Variants in GPR149 observed in about 807,000 individuals in gnomAD.
GPR149 encodes the protein probable G protein-coupled receptor 149.
GPR149 carries 50 observed loss-of-function variants against 50.2 expected under a neutral mutation model. That is an observed-to-expected ratio of 1.00 (90% CI 0.79 to 1.26). GPR149 has a LOEUF of 1.26. GPR149 is among the 50% of genes most tolerant of loss of function. GPR149 has a pLI of 0.00. For missense variants in GPR149, 983 were observed against 895.4 expected (o/e 1.10, Z -1.25); for synonymous variants, 405 against 358.2 (o/e 1.13, Z -1.48).
intron 3 of GPR149, among the ~76,000 whole-genome samples, chr3:154,343,821 C>A (rs571492160): frequency 2.0e-5 from 3 of 152,030 alleles, no homozygotes; most frequent in Admixed American, 6.6e-5. Context: ...TAAAAAAATT[C>A]TTTAAATTAG....
At chr3:154,401,208 T>C (rs144974842) in intron 3 of GPR149, among the ~76,000 whole-genome samples, 1 of 152,376 alleles carries the variant, frequency 6.6e-6, no homozygotes, top group East Asian at 1.9e-4. Context: ...GTGGTATTAA[T>C]TTGCTTTTTG....
intron 3 of GPR149, among the ~76,000 whole-genome samples, chr3:154,391,860 G>T (rs1290262770): frequency 6.6e-6 from 1 of 151,634 alleles, no homozygotes; most frequent in African/African-American, 2.4e-5. Flanking sequence ...CCAAAAGAAA[G>T]ACTGGCTATA....
In GPR149 at chr3:154,427,831, C is replaced by T. The variant is rs1712351087; in HGVS notation, c.982-123G>A. 11 of 918,660 alleles carry T rather than the reference C, an allele frequency of 1.2e-5. No individual in the cohort carries two copies. The East Asian group carries it at 2.9e-4, about 25-fold the overall frequency. 56.9% of individuals were successfully genotyped at this position (918,660 alleles called of 1,614,324 possible). On this transcript the variant is annotated intron_variant, in intron 1 of 3. Transcript: ENST00000389740. ...CCTTCTCCTGATGGACAGCGGGGACCTCTGCTACGGAGCTGGCTCCCTGTC... is the reference window on the plus strand; with the variant it reads ...CCTTCTCCTGATGGACAGCGGGGACTTCTGCTACGGAGCTGGCTCCCTGTC...
rs1421242700 is a variant in GPR149, at chr3:154,337,565, C to CA, written c.*133dup. ...TTTACACTAGTTCCAGTTGTTCCCA[C>CA]AAAAAAATTAACTATTAAATCAGTA... On this transcript the variant is annotated 3_prime_UTR_variant, in exon 4 of 4. Coordinates refer to ENST00000389740, the MANE Select transcript of GPR149 (RefSeq NM_001038705.3). The CA allele has an allele frequency of 5.8e-6, 4 of 694,232 alleles. No homozygotes were observed. The highest frequency in any genetic ancestry group is 6.9e-6 in the Non-Finnish European group (3 of 434,650). 43.0% of individuals were successfully genotyped at this position (694,232 alleles called of 1,614,324 possible).
chr3:154,397,859 CATT>C (rs1715329727), intron 3 of GPR149, among the ~76,000 whole-genome samples: 1 of 152,030 alleles, frequency 6.6e-6, no homozygotes, highest in South Asian at 2.1e-4. Flanking sequence ...TTATCTTACT[CATT>C]AGTATATATA....
intron 3 of GPR149, among the ~76,000 whole-genome samples, chr3:154,409,471 T>A (rs1711779213): frequency 6.6e-6 from 1 of 151,560 alleles, no homozygotes; most frequent in Non-Finnish European, 1.5e-5. Context: ...CTTCAAGAAA[T>A]CAAAAACATG....
intron 3 of GPR149, among the ~76,000 whole-genome samples, chr3:154,373,366 C>A (rs1169705536): frequency 6.6e-6 from 1 of 152,156 alleles, no homozygotes; most frequent in Non-Finnish European, 1.5e-5. Flanking sequence ...GGAATCAATG[C>A]AAAGATGAAC....
chr3:154,394,235 G>C (rs376270725), intron 3 of GPR149, among the ~76,000 whole-genome samples: 25 of 152,076 alleles, frequency 1.6e-4, no homozygotes, highest in African/African-American at 6.0e-4. Context: ...AAATGGAACA[G>C]AATAGAGAGC....
At chr3:154,343,986 C>T (rs543727591) in intron 3 of GPR149, among the ~76,000 whole-genome samples, 2 of 150,984 alleles carry the variant, frequency 1.3e-5, no homozygotes, top group South Asian at 4.2e-4. Context: ...CCACCGCCCC[C>T]CCAAAAAAAA....
At chr3:154,341,323 A>ATC (rs1713793692) in intron 3 of GPR149, among the ~76,000 whole-genome samples, 1 of 90,630 alleles carries the variant, frequency 1.1e-5, no homozygotes, top group African/African-American at 4.0e-5. Flanking sequence ...ATATATATAT[A>ATC]TATATATATA....
At chr3:154,388,758 C>G (rs947297497) in intron 3 of GPR149, among the ~76,000 whole-genome samples, 10 of 152,042 alleles carry the variant, frequency 6.6e-5, no homozygotes, top group African/African-American at 2.4e-4. Flanking sequence ...GTTGACCATC[C>G]TAACACTGAA....
chr3:154,343,332 G>A (rs1014799888), intron 3 of GPR149, among the ~76,000 whole-genome samples: 3 of 151,578 alleles, frequency 2.0e-5, no homozygotes, highest in African/African-American at 4.9e-5. Flanking sequence ...TTTCACTTTC[G>A]GTATTTCTAT....
At chr3:154,365,309 C>A (rs1185392129) in intron 3 of GPR149, among the ~76,000 whole-genome samples, 3 of 152,262 alleles carry the variant, frequency 2.0e-5, no homozygotes, top group African/African-American at 7.2e-5. Context: ...GAAACTTCTG[C>A]CTTCAAGTCT....
chr3:154,421,770 A>G (rs1270299302), intron 2 of GPR149, among the ~76,000 whole-genome samples: 1 of 151,876 alleles, frequency 6.6e-6, no homozygotes, highest in African/African-American at 2.4e-5. Context: ...ACAAAAACTT[A>G]GCCATACATT....
Position 154,353,007 on chromosome 3 carries a change from A to C in GPR149, c.1624-14736T>G. 5 of 1,285,880 alleles carry C rather than the reference A, an allele frequency of 3.9e-6. No individual in the cohort carries two copies. In the South Asian group the frequency reaches 5.9e-5, roughly 15 times the overall value. The allele number at this position is 1,285,880 out of a possible 1,614,324, so 79.7% of individuals were successfully genotyped here. ...ACTATGGGCAGCCACATTGGTTGCC[A>C]CCAAAACTTTAAAACTATCTTCTCT... is the stretch of plus-strand genomic sequence containing the variant. On this transcript the variant is annotated intron_variant, in intron 3 of 3. Transcript: ENST00000389740.
chr3:154,369,579 G>A (rs1327870797), intron 3 of GPR149, among the ~76,000 whole-genome samples: 2 of 152,310 alleles, frequency 1.3e-5, no homozygotes, highest in Admixed American at 6.5e-5. Context: ...GAAAGAGAAC[G>A]TAAACTCCGT....
Sources: allele counts gnomAD v4.1 joint callset (sites outside exome capture counted in the v4.1 genomes callset), GRCh38; gene constraint gnomAD v4.1.1; transcripts MANE v1.5; gene names NCBI Gene and HGNC (gene_info 2026-07-23, HGNC 2026-07-21).